DOCK2: variants seen among roughly 807,000 people sequenced by gnomAD.
DOCK2 encodes the protein dedicator of cytokinesis protein 2.
Under a neutral mutation model 248.9 loss-of-function variants are expected in DOCK2, and 87 were observed. That is an observed-to-expected ratio of 0.35 (90% CI 0.29 to 0.42). The LOEUF is 0.42. Among genes scored for constraint, DOCK2 ranks in the 10% least tolerant of loss-of-function variants. The probability of loss-of-function intolerance (pLI) is 1.00; values close to 1 mark genes in which losing one functional copy is unlikely to be tolerated. For missense variants in DOCK2, 1,747 were observed against 2,300.2 expected (o/e 0.76, Z 4.92); for synonymous variants, 805 against 821.6 (o/e 0.98, Z 0.35).
chr5:169,977,105 A>C (rs1036871111), intron 27 of DOCK2, among the ~76,000 whole-genome samples: 13 of 152,234 alleles, frequency 8.5e-5, no homozygotes, highest in Admixed American at 6.5e-5. Flanking sequence ...GTTATTTTTC[A>C]GGCTTCTGAA....
At chr5:169,896,650 A>G (rs7379828) in intron 27 of DOCK2, among the ~76,000 whole-genome samples, 55,003 of 152,040 alleles carry the variant, frequency 0.36, 11,105 homozygotes, top group Admixed American at 0.49. Flanking sequence ...TTATTACTAT[A>G]GGCAGTATCA....
chr5:169,893,479 CTTT>C (rs200833735), intron 27 of DOCK2, among the ~76,000 whole-genome samples: 2 of 143,022 alleles, frequency 1.4e-5, no homozygotes. Context: ...TTTTCTTACC[CTTT>C]TTTTTTTTTT....
chr5:169,813,235 TTAAA>T (rs1411245026), intron 26 of DOCK2, among the ~76,000 whole-genome samples: 2 of 152,196 alleles, frequency 1.3e-5, no homozygotes, highest in African/African-American at 4.8e-5. Flanking sequence ...AAATCTATAA[TTAAA>T]TAAACTATAT....
At chr5:169,898,710 C>CT (rs1278353218) in intron 27 of DOCK2, among the ~76,000 whole-genome samples, 3 of 152,102 alleles carry the variant, frequency 2.0e-5, no homozygotes, top group African/African-American at 4.8e-5. Context: ...GCCATGTGGT[C>CT]TTTTTTCAAG....
chr5:169,890,216 G>C (rs1219481367), intron 27 of DOCK2, among the ~76,000 whole-genome samples: 1 of 152,170 alleles, frequency 6.6e-6, no homozygotes, highest in Non-Finnish European at 1.5e-5. Flanking sequence ...TTATGTGTTA[G>C]TCCTGTTTCC....
intron 27 of DOCK2, among the ~76,000 whole-genome samples, chr5:169,853,285 T>C (rs982324490): frequency 6.6e-6 from 1 of 152,302 alleles, no homozygotes; most frequent in Non-Finnish European, 1.5e-5. Context: ...AGCAGGAAAA[T>C]GGACTAATCC....
chr5:170,035,033 C>T (rs945229114), intron 35 of DOCK2, among the ~76,000 whole-genome samples: 3 of 152,160 alleles, frequency 2.0e-5, no homozygotes, highest in African/African-American at 4.8e-5. Context: ...TATTAGTTTC[C>T]TTCTTCTTAT....
At chr5:169,681,680 G>T (rs1759677859) in intron 6 of DOCK2, 64 bp from the exon 7 acceptor site, 2 of 1,580,082 alleles carry the variant, frequency 1.3e-6, no homozygotes, top group African/African-American at 1.4e-5. Context: ...CTGGTAAAAA[G>T]CTTCTCACCA....
intron 27 of DOCK2, among the ~76,000 whole-genome samples, chr5:169,924,636 A>G (rs2113661448): frequency 6.6e-6 from 1 of 152,190 alleles, no homozygotes; most frequent in East Asian, 1.9e-4. Flanking sequence ...AAGACTTCCT[A>G]TTAGCAACCC....
intron 27 of DOCK2, among the ~76,000 whole-genome samples, chr5:169,901,023 T>G (rs1773890999): frequency 6.6e-6 from 1 of 152,158 alleles, no homozygotes; most frequent in African/African-American, 2.4e-5. Context: ...AACATCCAAG[T>G]AAACATGGAT....
intron 28 of DOCK2, among the ~76,000 whole-genome samples, chr5:169,984,912 ATTTC>A (rs1778026835): frequency 6.6e-6 from 1 of 151,946 alleles, no homozygotes; most frequent in South Asian, 2.1e-4. Context: ...AGCTATCCAG[ATTTC>A]TTTATTTATT....
intron 27 of DOCK2, among the ~76,000 whole-genome samples, chr5:169,894,962 A>C (rs1241034578): frequency 6.6e-6 from 1 of 152,126 alleles, no homozygotes; most frequent in Non-Finnish European, 1.5e-5. Flanking sequence ...GAGGTCTGCC[A>C]TTTCTTAAGG....
intron 9 of DOCK2, among the ~76,000 whole-genome samples, chr5:169,693,443 T>TA (rs1760421467): frequency 6.6e-6 from 1 of 152,058 alleles, no homozygotes; most frequent in Non-Finnish European, 1.5e-5. Flanking sequence ...GTAGAACTAA[T>TA]AGGGTAGGAA....
At chr5:170,008,225 CAAAAAAA>C (rs60090712) in intron 30 of DOCK2, among the ~76,000 whole-genome samples, 21 of 113,964 alleles carry the variant, frequency 1.8e-4, no homozygotes, top group South Asian at 1.2e-3. Flanking sequence ...ACAACAACAA[CAAAAAAA>C]AAAAAACCTA....
intron 36 of DOCK2, 107 bp from the exon 37 acceptor site, chr5:170,040,948 T>G (rs1318233874): frequency 2.1e-6 from 2 of 956,248 alleles, no homozygotes; most frequent in East Asian, 4.9e-5. Flanking sequence ...AGGACTTTCT[T>G]GCGACCCAGA....
intron 41 of DOCK2, among the ~76,000 whole-genome samples, chr5:170,052,884 G>C (rs1308003882): frequency 6.6e-6 from 1 of 152,188 alleles, no homozygotes; most frequent in African/African-American, 2.4e-5. Context: ...GTCACAACTA[G>C]GAAGTGATGG....
At chr5:169,689,797 T>C (rs1335113176) in intron 9 of DOCK2, among the ~76,000 whole-genome samples, 1 of 152,228 alleles carries the variant, frequency 6.6e-6, no homozygotes, top group Non-Finnish European at 1.5e-5. Context: ...ACATTCTGAA[T>C]ATAATTAAGT....
At chr5:169,858,266 G>A (rs534879788) in intron 27 of DOCK2, among the ~76,000 whole-genome samples, 64 of 152,306 alleles carry the variant, frequency 4.2e-4, no homozygotes, top group African/African-American at 1.4e-3. Flanking sequence ...GGACAACTGC[G>A]CCAAGGACTT....
intron 26 of DOCK2, among the ~76,000 whole-genome samples, chr5:169,809,643 A>G (rs1053129307): frequency 2.0e-5 from 3 of 152,156 alleles, no homozygotes; most frequent in Admixed American, 6.5e-5. Context: ...TCCCTGAGCC[A>G]CAGGTGTAGA....
Sources: allele counts gnomAD v4.1 joint callset (sites outside exome capture counted in the v4.1 genomes callset), GRCh38; gene constraint gnomAD v4.1.1; transcripts MANE v1.5; gene names NCBI Gene and HGNC (gene_info 2026-07-23, HGNC 2026-07-21).